Variants in ANOS1 observed in about 807,000 individuals in gnomAD.
The protein encoded by ANOS1 is anosmin 1, also known as anosmin-1.
Under a neutral mutation model 59.0 loss-of-function variants are expected in ANOS1, and 6 were observed. The ratio of observed to expected loss-of-function variants is 0.10; its 90% CI spans 0.06 to 0.20. The LOEUF (loss-of-function observed/expected upper bound fraction) is 0.20. ANOS1 is among the 10% of genes least tolerant of loss of function. The pLI is 1.00. For missense variants in ANOS1, 433 were observed against 542.3 expected (o/e 0.80, Z 2.00); for synonymous variants, 217 against 223.4 (o/e 0.97, Z 0.25).
At chrX:8,713,244 G>A (rs945262122) in intron 1 of ANOS1, among the ~76,000 whole-genome samples, 36 of 110,127 alleles carry the variant, frequency 3.3e-4, no homozygotes, top group African/African-American at 1.1e-3. Context: ...ATCAAAAAGG[G>A]CTGCCCAGAA....
At chrX:8,656,909 G>A (rs1314632633) in intron 2 of ANOS1, among the ~76,000 whole-genome samples, 5 of 111,733 alleles carry the variant, frequency 4.5e-5, no homozygotes, top group African/African-American at 1.6e-4. Flanking sequence ...CCCTACCCCT[G>A]GGAGGCAATC....
At chrX:8,611,178 T>C (rs1046600413) in intron 3 of ANOS1, among the ~76,000 whole-genome samples, 2 of 110,260 alleles carry the variant, frequency 1.8e-5, no homozygotes, top group Admixed American at 9.8e-5. Context: ...ATGAAAAATA[T>C]GTCAAATAGG....
intron 2 of ANOS1, among the ~76,000 whole-genome samples, chrX:8,691,935 C>T (rs1355520071): frequency 9.0e-6 from 1 of 111,313 alleles, no homozygotes; most frequent in Non-Finnish European, 1.9e-5. Context: ...GTTTGACAAA[C>T]AATGTTCTAT....
chrX:8,699,894 C>T (rs923001036), intron 1 of ANOS1, 149 bp from the exon 2 acceptor site: 1 of 376,338 alleles, frequency 2.7e-6, no homozygotes, highest in Non-Finnish European at 4.7e-6. Context: ...TCCTTCCCTT[C>T]CAATGATAGA....
chrX:8,559,862 G>A (rs993278124), intron 8 of ANOS1, among the ~76,000 whole-genome samples: 1 of 110,903 alleles, frequency 9.0e-6, no homozygotes, highest in Non-Finnish European at 1.9e-5. Flanking sequence ...TCTTTAATTT[G>A]TTCCTCAAAC....
intron 5 of ANOS1, among the ~76,000 whole-genome samples, chrX:8,587,130 GTGT>G (rs200368984): frequency 0.083 from 8,855 of 106,605 alleles, 353 homozygotes; most frequent in South Asian, 0.25. Flanking sequence ...TTGTGTGTGT[GTGT>G]GGGGGGGTGG....
chrX:8,561,116 C>T (rs1930023865), intron 8 of ANOS1, among the ~76,000 whole-genome samples: 2 of 111,449 alleles, frequency 1.8e-5, no homozygotes, highest in South Asian at 7.5e-4. Context: ...GCTGTGGACC[C>T]CAGAAGATAA....
intron 2 of ANOS1, among the ~76,000 whole-genome samples, chrX:8,659,551 T>C (rs867566278): frequency 1.0e-5 from 1 of 98,021 alleles, no homozygotes; most frequent in South Asian, 5.5e-4. Context: ...CCTTCCTTCC[T>C]TCCTTCCTTC....
intron 5 of ANOS1, among the ~76,000 whole-genome samples, chrX:8,585,764 T>C (rs1290470274): frequency 8.9e-6 from 1 of 111,778 alleles, no homozygotes; most frequent in Admixed American, 9.5e-5. Flanking sequence ...AGAAAGAAAA[T>C]GTCTTTTTAA....
intron 2 of ANOS1, among the ~76,000 whole-genome samples, chrX:8,638,097 G>T (rs1450564708): frequency 9.0e-6 from 1 of 111,647 alleles, no homozygotes; most frequent in Non-Finnish European, 1.9e-5. Context: ...ACTTCTGGAG[G>T]CTGAGCCTAG....
At chrX:8,628,876 C>G (rs78811797) in intron 2 of ANOS1, among the ~76,000 whole-genome samples, 9,304 of 111,534 alleles carry the variant, frequency 0.083, 497 homozygotes, top group South Asian at 0.23. Context: ...AACATAGAAA[C>G]TTTACAGATT....
intron 1 of ANOS1, among the ~76,000 whole-genome samples, chrX:8,726,183 G>T (rs772166073): frequency 9.0e-6 from 1 of 111,205 alleles, no homozygotes; most frequent in African/African-American, 3.3e-5. Flanking sequence ...GTTTTGATGC[G>T]CTAATTGTTT....
At chrX:8,671,811 A>C (rs1932260385) in intron 2 of ANOS1, among the ~76,000 whole-genome samples, 1 of 110,709 alleles carries the variant, frequency 9.0e-6, no homozygotes, top group African/African-American at 3.3e-5. Context: ...ATTGGCAAAT[A>C]AAAACTATAT....
chrX:8,725,160 G>T (rs1014697726), intron 1 of ANOS1, among the ~76,000 whole-genome samples: 3 of 111,254 alleles, frequency 2.7e-5, no homozygotes, highest in Non-Finnish European at 5.7e-5. Context: ...TGATAATATG[G>T]ATATGCTTCA....
intron 6 of ANOS1, 91 bp downstream of exon 6, chrX:8,585,176 A>C: frequency 9.9e-7 from 1 of 1,008,272 alleles, no homozygotes; most frequent in Admixed American, 2.4e-5. Context: ...GACTAACTAT[A>C]AATATGAACA....
At position 8,725,683 on chromosome X, in the gene ANOS1, TATATATATATACAGATATATATATACAG is replaced by T. The variant is rs1368974845; in HGVS notation, c.207+6119_207+6146del. ...ATATATACAGATATATATATACAGA[TATATATATATACAGATATATATATACAG>T]ATATATATATATACAGATATATATA... is the stretch of plus-strand genomic sequence containing the variant. On this transcript the variant is annotated intron_variant, in intron 1 of 13. Coordinates refer to ENST00000262648, the MANE Select transcript of ANOS1 (RefSeq NM_000216.4). Among the ~76,000 whole-genome samples the T allele has an allele frequency of 1.5e-4, 7 of 45,245 alleles. 2 individuals carry two copies. Among genetic ancestry groups the T allele is most frequent in the African/African-American group, 1.0e-3 (7 of 6,845 alleles). 39.3% of individuals were successfully genotyped at this position (45,245 alleles called of 115,157 possible).
intron 1 of ANOS1, among the ~76,000 whole-genome samples, chrX:8,705,089 T>G (rs963634711): frequency 8.9e-6 from 1 of 111,813 alleles, no homozygotes; most frequent in African/African-American, 3.2e-5. Context: ...GCAATGGTAT[T>G]GGTATTTTTA....
At chrX:8,661,817 A>G (rs1932043736) in intron 2 of ANOS1, among the ~76,000 whole-genome samples, 1 of 111,306 alleles carries the variant, frequency 9.0e-6, no homozygotes, top group South Asian at 3.9e-4. Flanking sequence ...AAACAACAGC[A>G]TCGCGTTTCA....
chrX:8,625,275 T>G (rs181806005), intron 2 of ANOS1, among the ~76,000 whole-genome samples: 39 of 112,116 alleles, frequency 3.5e-4, no homozygotes, highest in African/African-American at 1.2e-3. Context: ...AGTTGTAATT[T>G]TAAACATTAA....
Sources: allele counts gnomAD v4.1 joint callset (sites outside exome capture counted in the v4.1 genomes callset), GRCh38; gene constraint gnomAD v4.1.1; transcripts MANE v1.5; gene names NCBI Gene and HGNC (gene_info 2026-07-23, HGNC 2026-07-21).